OR9Q1: variants seen among roughly 807,000 people sequenced by gnomAD.
The protein encoded by OR9Q1 is olfactory receptor 9Q1.
For synonymous variants in OR9Q1, 153 were observed against 148.6 expected (o/e 1.03, Z -0.22); for missense variants, 374 against 378.8 (o/e 0.99, Z 0.11).
chr11:58,136,521 A>G (rs1360473232), intron 2 of OR9Q1, among the ~76,000 whole-genome samples: 1 of 152,098 alleles, frequency 6.6e-6, no homozygotes, highest in African/African-American at 2.4e-5. Flanking sequence ...GGAGATTTTG[A>G]GGAGATACTG....
At chr11:58,115,657 C>A (rs962884447) in intron 2 of OR9Q1, among the ~76,000 whole-genome samples, 2 of 152,094 alleles carry the variant, frequency 1.3e-5, no homozygotes, top group African/African-American at 2.4e-5. Context: ...AGGTGTGTGC[C>A]ACTGTCTGAC....
At chr11:58,057,987 A>G (rs1045309637) in intron 2 of OR9Q1, among the ~76,000 whole-genome samples, 2 of 152,194 alleles carry the variant, frequency 1.3e-5, no homozygotes, top group Admixed American at 6.5e-5. Context: ...CCGCAGAGAA[A>G]TCCCATATTG....
intron 2 of OR9Q1, among the ~76,000 whole-genome samples, chr11:58,064,601 TC>T (rs1853411012): frequency 6.6e-6 from 1 of 152,004 alleles, no homozygotes; most frequent in Admixed American, 6.6e-5. Context: ...GCCAGGGTGC[TC>T]CCCAGAGCCT....
intron 2 of OR9Q1, among the ~76,000 whole-genome samples, chr11:58,136,998 A>G (rs571411904): frequency 1.3e-5 from 2 of 152,242 alleles, no homozygotes; most frequent in Admixed American, 1.3e-4. Flanking sequence ...GTTGAACCAC[A>G]GTTTATGCAC....
chr11:58,117,721 T>G (rs1174632035), intron 2 of OR9Q1: 1 of 152,088 alleles, frequency 6.6e-6, no homozygotes, highest in East Asian at 1.9e-4. Flanking sequence ...AGACACGCAA[T>G]AGGGTGAGGA....
At chr11:58,070,990 G>A (rs1361983604) in intron 2 of OR9Q1, among the ~76,000 whole-genome samples, 1 of 152,190 alleles carries the variant, frequency 6.6e-6, no homozygotes, top group African/African-American at 2.4e-5. Context: ...TGTCAGGCAG[G>A]GATCACAGGG....
At chr11:58,156,494 G>A (rs3019060) in intron 2 of OR9Q1, among the ~76,000 whole-genome samples, 103,986 of 151,978 alleles carry the variant, frequency 0.68, 35,961 homozygotes, top group East Asian at 0.88. Context: ...GGAGTTCTGT[G>A]ATTGTATCTT....
chr11:58,168,302 T>G (rs1331647577), intron 2 of OR9Q1, among the ~76,000 whole-genome samples: 1 of 152,200 alleles, frequency 6.6e-6, no homozygotes, highest in African/African-American at 2.4e-5. Context: ...TTCCTACACA[T>G]GCTTTTATGT....
chr11:58,113,893 A>G (rs1853925484), intron 2 of OR9Q1, among the ~76,000 whole-genome samples: 1 of 152,224 alleles, frequency 6.6e-6, no homozygotes, highest in Non-Finnish European at 1.5e-5. Flanking sequence ...ATATAATTAT[A>G]GAATTTACAT....
intron 2 of OR9Q1, among the ~76,000 whole-genome samples, chr11:58,108,154 C>A (rs1423403693): frequency 6.6e-6 from 1 of 152,148 alleles, no homozygotes; most frequent in Non-Finnish European, 1.5e-5. Flanking sequence ...AAAGAAAGCA[C>A]CCTTTCCCTA....
At chr11:58,029,351 T>A (rs1853006313) in intron 1 of OR9Q1, among the ~76,000 whole-genome samples, 1 of 152,134 alleles carries the variant, frequency 6.6e-6, no homozygotes, top group Non-Finnish European at 1.5e-5. Context: ...CTACTGTCAC[T>A]GGGTTTCAAG....
At position 58,173,000 on chromosome 11, in the gene OR9Q1, T is replaced by C. The variant is rs558721672; in HGVS notation, c.-14-6431T>C. Among the ~76,000 whole-genome samples, 14 of 152,226 alleles carry C rather than the reference T, an allele frequency of 9.2e-5. 1 individual carries two copies. In the South Asian group the frequency reaches 2.7e-3, roughly 29 times the overall value. ...TCCAAAAATTATAATGATTTCTGTC[T>C]AGTAAACTATAAGTGGTAAAAAAAA... On this transcript the variant is annotated intron_variant, in intron 2 of 2. Coordinates refer to ENST00000335397, the MANE Select transcript of OR9Q1 (RefSeq NM_001005212.4).
intron 2 of OR9Q1, among the ~76,000 whole-genome samples, chr11:58,058,747 C>T (rs906852037): frequency 6.6e-6 from 1 of 152,184 alleles, no homozygotes; most frequent in African/African-American, 2.4e-5. Context: ...TGCAGCCACC[C>T]TCGCCCCCGA....
At chr11:58,046,599 C>CTTTGGG in intron 1 of OR9Q1, among the ~76,000 whole-genome samples, 1 of 152,164 alleles carries the variant, frequency 6.6e-6, no homozygotes, top group African/African-American at 2.4e-5. Context: ...TGGTGGCTCA[C>CTTTGGG]ACCTGTAATT....
intron 2 of OR9Q1, among the ~76,000 whole-genome samples, chr11:58,126,057 G>C (rs989333896): frequency 5.3e-5 from 8 of 152,136 alleles, no homozygotes; most frequent in Non-Finnish European, 1.2e-4. Context: ...GGCTCAGGAA[G>C]GTATGAGTCT....
At chr11:58,097,399 CATT>C (rs1853742461) in intron 2 of OR9Q1, among the ~76,000 whole-genome samples, 1 of 152,114 alleles carries the variant, frequency 6.6e-6, no homozygotes, top group Non-Finnish European at 1.5e-5. Context: ...GTGTATTTAA[CATT>C]ATAAGAAACT....
intron 2 of OR9Q1, among the ~76,000 whole-genome samples, chr11:58,149,197 G>A (rs1590616357): frequency 6.6e-6 from 1 of 152,132 alleles, no homozygotes; most frequent in African/African-American, 2.4e-5. Context: ...CCTGAAAAAA[G>A]CATTGTAAAA....
intron 2 of OR9Q1, among the ~76,000 whole-genome samples, chr11:58,112,930 C>T (rs1394602703): frequency 2.0e-5 from 3 of 152,118 alleles, no homozygotes; most frequent in South Asian, 2.1e-4. Context: ...CCTCTCAACA[C>T]TTGTTGAAAA....
At chr11:58,140,280 C>G (rs1490914756) in intron 2 of OR9Q1, among the ~76,000 whole-genome samples, 1 of 152,106 alleles carries the variant, frequency 6.6e-6, no homozygotes, top group East Asian at 1.9e-4. Context: ...TGCAGAAGCT[C>G]TTTAGTTTAA....
Sources: allele counts gnomAD v4.1 joint callset (sites outside exome capture counted in the v4.1 genomes callset), GRCh38; gene constraint gnomAD v4.1.1; transcripts MANE v1.5; gene names NCBI Gene and HGNC (gene_info 2026-07-23, HGNC 2026-07-21).